CALN1: variants seen among roughly 807,000 people sequenced by gnomAD.
CALN1 encodes calcium-binding protein 8.
A neutral mutation model predicts 30.6 loss-of-function variants in CALN1; 17 were observed. The observed-to-expected ratio is 0.56, with a 90% CI of 0.38 to 0.83. The LOEUF (loss-of-function observed/expected upper bound fraction) is 0.83, where lower values mean the gene tolerates loss of function less well. Among genes scored for constraint, CALN1 ranks in the 40% least tolerant of loss-of-function variants. The pLI, the probability that CALN1 is intolerant of heterozygous loss-of-function variation, is 0.00. For synonymous variants in CALN1, 156 were observed against 131.4 expected (o/e 1.19, Z -1.28); for missense variants, 291 against 354.9 (o/e 0.82, Z 1.45).
chr7:71,812,779 G>A lies in CALN1; in HGVS notation c.502-2287C>T, dbSNP rs116128713. Among the ~76,000 whole-genome samples the A allele has an allele frequency of 3.9e-3, 596 of 151,670 alleles. 3 individuals carry two copies. The highest frequency in any genetic ancestry group is 0.014 in the African/African-American group (563 of 41,302). ...TTTTTTTAGAGACAAGGTCTTGCTC[G>A]GTGGTCCAGGCTGATATGCTGTGGT... is the stretch of plus-strand genomic sequence containing the variant. On this transcript the variant is annotated intron_variant, in intron 5 of 6. Transcript: ENST00000395275.
intron 5 of CALN1, among the ~76,000 whole-genome samples, chr7:71,813,624 T>G (rs1788089964): frequency 6.6e-6 from 1 of 152,094 alleles, no homozygotes; most frequent in Non-Finnish European, 1.5e-5. Flanking sequence ...ACTATAACTG[T>G]TCCAAACTTT....
chr7:72,298,567 G>A (rs1330087836), intron 2 of CALN1, among the ~76,000 whole-genome samples: 2 of 152,098 alleles, frequency 1.3e-5, no homozygotes, highest in Non-Finnish European at 2.9e-5. Flanking sequence ...CAAAAGCTGA[G>A]GTTTCTTGGT....
intron 5 of CALN1, among the ~76,000 whole-genome samples, chr7:71,983,928 T>C (rs1798532542): frequency 6.6e-6 from 1 of 151,840 alleles, no homozygotes; most frequent in East Asian, 1.9e-4. Context: ...TCAAACTATA[T>C]TAAAGAGACA....
intron 2 of CALN1, among the ~76,000 whole-genome samples, chr7:72,366,458 G>T (rs1390207642): frequency 1.3e-5 from 2 of 152,172 alleles, no homozygotes; most frequent in Non-Finnish European, 2.9e-5. Context: ...TTACAGGCAT[G>T]AGCTACAGCG....
chr7:72,260,613 A>T (rs1562807219), intron 3 of CALN1, among the ~76,000 whole-genome samples: 2 of 152,150 alleles, frequency 1.3e-5, no homozygotes, highest in Non-Finnish European at 2.9e-5. Flanking sequence ...GGGATCTTAA[A>T]GGGAGTAGCA....
In CALN1 at chr7:72,130,745, T is replaced by C. The variant is rs376626647; in HGVS notation, c.245-24451A>G. On this transcript the variant is annotated intron_variant, in intron 3 of 6. Transcript: ENST00000395275. ...TGAAATTTGTACCATTAATGCATTA[T>C]CTATCCACACAAGTAAAATTTGTGA... 2.6e-5 allele frequency among the ~76,000 whole-genome samples: 4 copies of C among 152,286 alleles called. No homozygotes were observed. The South Asian group carries it at 8.3e-4, about 32-fold the overall frequency.
At chr7:71,791,906 G>A (rs1399283578) in intron 6 of CALN1, among the ~76,000 whole-genome samples, 6 of 152,152 alleles carry the variant, frequency 3.9e-5, no homozygotes, top group Non-Finnish European at 8.8e-5. Context: ...AGCTACTGGG[G>A]AGGCTGAGGC....
chr7:71,886,489 C>T (rs1792915703), intron 5 of CALN1, among the ~76,000 whole-genome samples: 1 of 152,092 alleles, frequency 6.6e-6, no homozygotes. Context: ...TGCAAGCCTT[C>T]CGGCTGGGCA....
intron 2 of CALN1, among the ~76,000 whole-genome samples, chr7:72,324,409 C>T (rs112084849): frequency 1.0e-3 from 156 of 152,066 alleles, no homozygotes; most frequent in African/African-American, 3.4e-3. Flanking sequence ...TCATTTATGA[C>T]GGGGTCACTG....
At chr7:72,140,090 G>T (rs1017835950) in intron 3 of CALN1, among the ~76,000 whole-genome samples, 1 of 151,916 alleles carries the variant, frequency 6.6e-6, no homozygotes, top group Non-Finnish European at 1.5e-5. Context: ...GGGCAACAAA[G>T]TAACACCCTG....
At chr7:72,153,214 G>C (rs1009104787) in intron 3 of CALN1, among the ~76,000 whole-genome samples, 2 of 152,180 alleles carry the variant, frequency 1.3e-5, no homozygotes, top group Non-Finnish European at 2.9e-5. Flanking sequence ...CCTGCCAGGG[G>C]ACATTATTAC....
chr7:71,785,025 A>G lies in CALN1; in HGVS notation c.*2750T>C, dbSNP rs994134749. ...AGCCAGGGTGCAAGTCACCGGGACA[A>G]ACTCTGAGCTCCTGAAGTCTAAGGA... On this transcript the variant is annotated 3_prime_UTR_variant, in exon 7 of 7. Transcript: ENST00000395275. 2 of 395,910 alleles carry G rather than the reference A, an allele frequency of 5.1e-6. No homozygotes were observed. Among genetic ancestry groups the G allele is most frequent in the Non-Finnish European group, 8.9e-6 (2 of 224,990 alleles). The allele number at this position is 395,910 out of a possible 1,614,324, so 24.5% of individuals were successfully genotyped here.
intron 3 of CALN1, among the ~76,000 whole-genome samples, chr7:72,133,884 C>T (rs1809329057): frequency 6.6e-6 from 1 of 152,152 alleles, no homozygotes; most frequent in Non-Finnish European, 1.5e-5. Context: ...AAATAACTGG[C>T]CTGTAACCTT....
At chr7:72,327,260 G>A (rs1262348462) in intron 2 of CALN1, among the ~76,000 whole-genome samples, 1 of 152,202 alleles carries the variant, frequency 6.6e-6, no homozygotes, top group East Asian at 1.9e-4. Context: ...TTGGGAGGCT[G>A]AGGCGGGAGA....
chr7:72,317,084 G>GAGAGAGAAAAAGAA (rs1554367050), intron 2 of CALN1, among the ~76,000 whole-genome samples: 1 of 109,722 alleles, frequency 9.1e-6, no homozygotes, highest in Non-Finnish European at 1.8e-5. Flanking sequence ...CACAGAAAGA[G>GAGAGAGAAAAAGAA]AGAGAGAGAG....
intron 2 of CALN1, among the ~76,000 whole-genome samples, chr7:72,280,016 A>G (rs538968083): frequency 6.6e-6 from 1 of 152,332 alleles, no homozygotes; most frequent in African/African-American, 2.4e-5. Flanking sequence ...AGGAGCACAA[A>G]GCCAGTTAGT....
At chr7:72,090,707 T>A (rs1425166716) in intron 4 of CALN1, among the ~76,000 whole-genome samples, 2 of 152,182 alleles carry the variant, frequency 1.3e-5, no homozygotes, top group Non-Finnish European at 2.9e-5. Context: ...ATGGATTTTT[T>A]AAAATGTGGC....
At position 71,801,428 on chromosome 7, in the gene CALN1, G is replaced by GTATCTATCTATCTATCTATC. The variant is rs58500083; in HGVS notation, c.658+8888_658+8907dup. ...TGTATGTATGTATGTATGTATGTAT[G>GTATCTATCTATCTATCTATC]TATCTATCTATCTATCTATCTATCT... On this transcript the variant is annotated intron_variant, in intron 6 of 6. Coordinates refer to ENST00000395275, the MANE Select transcript of CALN1 (RefSeq NM_031468.4). Among the ~76,000 whole-genome samples, 461 of 87,704 alleles carry GTATCTATCTATCTATCTATC rather than the reference G, an allele frequency of 5.3e-3. 3 individuals are homozygous for GTATCTATCTATCTATCTATC. The highest frequency in any genetic ancestry group is 6.3e-3 in the Middle Eastern group (1 of 158). 57.5% of individuals were successfully genotyped at this position (87,704 alleles called of 152,430 possible).
intron 4 of CALN1, among the ~76,000 whole-genome samples, chr7:72,047,424 C>A (rs549858986): frequency 2.0e-5 from 3 of 151,994 alleles, no homozygotes; most frequent in African/African-American, 7.3e-5. Flanking sequence ...CCCATCTCTA[C>A]AAAACAAATA....
Sources: gnomAD v4.1 joint callset for allele counts (sites outside exome capture counted in the v4.1 genomes callset) on GRCh38, gnomAD v4.1.1 for gene constraint, MANE v1.5 for transcripts, NCBI Gene and HGNC (gene_info 2026-07-23, HGNC 2026-07-21) for gene names.